The following KCTD18 variants were observed in gnomAD, a reference collection of about 807,000 sequenced individuals.
The protein encoded by KCTD18 is potassium channel tetramerization domain containing 18.
KCTD18 carries 22 observed loss-of-function variants against 30.4 expected under a neutral mutation model. The ratio of observed to expected loss-of-function variants is 0.72; its 90% CI spans 0.52 to 1.03. The LOEUF is 1.03. Among genes scored for constraint, KCTD18 ranks in the 50% least tolerant of loss-of-function variants. KCTD18 has a pLI of 0.00. For missense variants in KCTD18, 529 were observed against 547.6 expected (o/e 0.97, Z 0.34); for synonymous variants, 186 against 209.0 (o/e 0.89, Z 0.95).
Position 200,490,011 on chromosome 2 carries a change from C to T in KCTD18, c.*89G>A. 1 of 1,351,128 alleles carries T rather than the reference C, an allele frequency of 7.4e-7. No homozygotes were observed. The highest frequency in any genetic ancestry group is 9.9e-7 in the Non-Finnish European group (1 of 1,007,238). The allele number at this position is 1,351,128 out of a possible 1,614,324, so 83.7% of individuals were successfully genotyped here. A position where few individuals can be genotyped will look rare whatever the true frequency, so the allele number is the denominator to read the frequency against. Reference sequence around the variant, plus strand: ...CTCAACATAAACCTAAGCTTCCCCTCTGCTGCATTAAGAAAGTGTCACTTC... The same window carrying T: ...CTCAACATAAACCTAAGCTTCCCCTTTGCTGCATTAAGAAAGTGTCACTTC... On this transcript the variant is annotated 3_prime_UTR_variant, in exon 7 of 7. Coordinates refer to ENST00000359878, the MANE Select transcript of KCTD18 (RefSeq NM_152387.4).
At chr2:200,503,367 A>G (rs1285792037) in intron 3 of KCTD18, among the ~76,000 whole-genome samples, 1 of 152,026 alleles carries the variant, frequency 6.6e-6, no homozygotes, top group Non-Finnish European at 1.5e-5. Context: ...AGAATTCCCA[A>G]CTATACTATA....
In KCTD18 at chr2:200,489,791, AC is replaced by A; in HGVS notation, c.*308del. On this transcript the variant is annotated 3_prime_UTR_variant, in exon 7 of 7. Coordinates refer to ENST00000359878, the MANE Select transcript of KCTD18 (RefSeq NM_152387.4). Reference sequence around the variant, plus strand: ...AACGTTTACTTCAGCAACAAAGTGGACCTCTCTAGAGATTATTTGTTGTACT... The same window carrying A: ...AACGTTTACTTCAGCAACAAAGTGGACTCTCTAGAGATTATTTGTTGTACT... 4 of 293,274 alleles carry A rather than the reference AC, an allele frequency of 1.4e-5. No homozygotes were observed. Among genetic ancestry groups the A allele is most frequent in the Non-Finnish European group, 1.9e-5 (3 of 159,400 alleles). The allele number at this position is 293,274 out of a possible 1,614,324, so 18.2% of individuals were successfully genotyped here.
intron 5 of KCTD18, chr2:200,497,295 G>T (rs1009959799): frequency 6.2e-6 from 1 of 161,532 alleles, no homozygotes; most frequent in African/African-American, 2.4e-5. Flanking sequence ...ATATAAAACA[G>T]CATTATTATT....
At position 200,490,418 on chromosome 2, in the gene KCTD18, C is replaced by A; in HGVS notation, c.963G>T (p.Lys321Asn). ...TGGAAGGTGCAGAGCGCTGAGCTGCCTTTCTGCGGCTACCACTTTGAAACC... is the reference window on the plus strand; with the variant it reads ...TGGAAGGTGCAGAGCGCTGAGCTGCATTTCTGCGGCTACCACTTTGAAACC... ...ANRFQSGSRR[K>N]AAQRSAPSRA... Residue 321 changes from lysine to asparagine, a missense_variant, in exon 7 of 7, where the codon AAG becomes AAT. By Grantham distance (94) the Lys-to-Asn change is moderately conservative. Transcript: ENST00000359878. 6.2e-7 allele frequency: 1 copy of A among 1,614,188 alleles called. No individual in the cohort carries two copies. The highest frequency in any genetic ancestry group is 1.3e-5 in the African/African-American group (1 of 75,054).
chr2:200,492,821 G>A (rs2087938995), intron 6 of KCTD18, among the ~76,000 whole-genome samples: 1 of 127,566 alleles, frequency 7.8e-6, no homozygotes, highest in Admixed American at 7.9e-5. Flanking sequence ...CAAGTATTAA[G>A]TCTAAATAGA....
At chr2:200,493,086 A>G in intron 6 of KCTD18, 86 bp downstream of exon 6, 1 of 762,224 alleles carries the variant, frequency 1.3e-6, no homozygotes, top group South Asian at 1.5e-5. Context: ...AAGGTCAAGA[A>G]TTATTATTCA....
rs149892461 is a variant in KCTD18 at position 200,490,237 on chromosome 2, T to C, written c.1144A>G (p.Thr382Ala). ...CAAGGCGCGGTGGCGCACAGCGGAG[T>C]CCTCTTCAGCTTTATCACCCGCTGG... Reference protein sequence around the residue: ...TPQRVIKLKRTPLCATAPCLP... With the variant: ...TPQRVIKLKRAPLCATAPCLP... Residue 382 changes from threonine (T) to alanine (A), a missense_variant, in exon 7 of 7, where the codon ACT becomes GCT. Physicochemically the swap from Thr to Ala is moderately conservative, Grantham distance 58. Transcript: ENST00000359878. The C allele has an allele frequency of 6.0e-5, 97 of 1,613,836 alleles. No individual in the cohort carries two copies. Among genetic ancestry groups the C allele is most frequent in the Non-Finnish European group, 7.8e-5 (92 of 1,179,974 alleles).
Position 200,490,073 on chromosome 2 carries a change from CG to C in KCTD18, c.*26del. On this transcript the variant is annotated 3_prime_UTR_variant, in exon 7 of 7. Coordinates refer to ENST00000359878, the MANE Select transcript of KCTD18 (RefSeq NM_152387.4). ...TGGGTTGAAAGCTTTGGGAGATGAA[CG>C]GGAAATTTCAAGTCCACCACTTTCA... 6.5e-7 allele frequency: 1 copy of C among 1,533,446 alleles called. No individual in the cohort carries two copies. The highest frequency in any genetic ancestry group is 8.8e-7 in the Non-Finnish European group (1 of 1,138,516). The allele number at this position is 1,533,446 out of a possible 1,614,324, so 95.0% of individuals were successfully genotyped here. A position where few individuals can be genotyped will look rare whatever the true frequency, so the allele number is the denominator to read the frequency against.
At chr2:200,508,128 A>C (rs935144586) in intron 1 of KCTD18, among the ~76,000 whole-genome samples, 2 of 151,962 alleles carry the variant, frequency 1.3e-5, no homozygotes, top group African/African-American at 4.8e-5. Flanking sequence ...TTTGAGATGG[A>C]GTCTCGCTCT....
intron 3 of KCTD18, among the ~76,000 whole-genome samples, chr2:200,504,317 G>A (rs895597198): frequency 1.3e-5 from 2 of 152,088 alleles, no homozygotes; most frequent in African/African-American, 2.4e-5. Context: ...AAATTAGCTG[G>A]GCATAGTGGC....
chr2:200,497,837 T>C lies in KCTD18; in HGVS notation c.577A>G (p.Asn193Asp). 3.7e-6 allele frequency: 6 copies of C among 1,608,578 alleles called. No individual in the cohort carries two copies. The South Asian group carries it at 5.5e-5, about 15-fold the overall frequency. ...SKGIFKREAG[N>D]NVQYIWSYYS... ...TAGCTCCAAATGTACTGAACATTAT[T>C]TCCCGCCTCTCTAGAAATATTGCAA... The change falls in exon 5 of 7, where the codon AAT (asparagine) becomes GAT (aspartate). Residue 193 changes from asparagine (N) to aspartate (D), a missense_variant. By Grantham distance (23) the Asn-to-Asp change is conservative (BLOSUM62 1). Coordinates refer to ENST00000359878, the MANE Select transcript of KCTD18 (RefSeq NM_152387.4).
chr2:200,495,251 T>C (rs2087982736), intron 5 of KCTD18, among the ~76,000 whole-genome samples: 1 of 152,230 alleles, frequency 6.6e-6, no homozygotes, highest in Non-Finnish European at 1.5e-5. Context: ...CATCATTTCT[T>C]ATCATGGGCA....
At chr2:200,501,939 A>G (rs1262741874) in intron 3 of KCTD18, among the ~76,000 whole-genome samples, 2 of 151,798 alleles carry the variant, frequency 1.3e-5, no homozygotes, top group Admixed American at 6.6e-5. Context: ...CATATACACC[A>G]TGGAATACTA....
intron 3 of KCTD18, among the ~76,000 whole-genome samples, chr2:200,502,850 G>A (rs1422319484): frequency 1.3e-5 from 2 of 152,080 alleles, no homozygotes; most frequent in Non-Finnish European, 2.9e-5. Context: ...GACCAACATG[G>A]AGAAACCCTG....
At chr2:200,504,262 T>A (rs1038774654) in intron 3 of KCTD18, among the ~76,000 whole-genome samples, 1 of 151,986 alleles carries the variant, frequency 6.6e-6, no homozygotes, top group Non-Finnish European at 1.5e-5. Flanking sequence ...ATCGAGACCA[T>A]CCTGGCTAAC....
chr2:200,509,267 C>T (rs1244031141), intron 1 of KCTD18, among the ~76,000 whole-genome samples: 2 of 152,046 alleles, frequency 1.3e-5, no homozygotes, highest in African/African-American at 4.8e-5. Context: ...TGGAGCCAGC[C>T]CCAATCCAGA....
chr2:200,504,661 T>C (rs1215030048), intron 3 of KCTD18, 87 bp downstream of exon 3: 4 of 918,782 alleles, frequency 4.4e-6, no homozygotes, highest in South Asian at 1.7e-5. Flanking sequence ...GTTTGGTTAA[T>C]GTGAAAACAC....
rs2030458006 is a variant in KCTD18, at chr2:200,510,032, G to GCGCGGCCGCCGGACGC, written c.-496_-481dup. The GCGCGGCCGCCGGACGC allele has an allele frequency of 2.6e-5, 4 of 152,210 alleles. No homozygotes were observed. Among genetic ancestry groups the GCGCGGCCGCCGGACGC allele is most frequent in the African/African-American group, 9.6e-5 (4 of 41,562 alleles). The allele number at this position is 152,210 out of a possible 1,614,324, so 9.4% of individuals were successfully genotyped here. A position where few individuals can be genotyped will look rare whatever the true frequency, so the allele number is the denominator to read the frequency against. Reference sequence around the variant, plus strand: ...TGACCTGCGGCCCGCCAGACCCTCGGCGCGGCCGCCGGACGCCGCGGGGCG... The same window carrying GCGCGGCCGCCGGACGC: ...TGACCTGCGGCCCGCCAGACCCTCGGCGCGGCCGCCGGACGCCGCGGCCGCCGGACGCCGCGGGGCG... On this transcript the variant is annotated 5_prime_UTR_variant, in exon 1 of 7. Transcript: ENST00000359878.
At chr2:200,494,213 CAG>C (rs1207001895) in intron 5 of KCTD18, among the ~76,000 whole-genome samples, 1 of 152,126 alleles carries the variant, frequency 6.6e-6, no homozygotes, top group East Asian at 1.9e-4. Context: ...CTGTGGGAGA[CAG>C]TGGAGTGGGG....
Sources: gnomAD v4.1 joint callset for allele counts (sites outside exome capture counted in the v4.1 genomes callset) on GRCh38, gnomAD v4.1.1 for gene constraint, MANE v1.5 for transcripts, NCBI Gene and HGNC (gene_info 2026-07-23, HGNC 2026-07-21) for gene names.